Variants in KIZ observed in about 807,000 individuals in gnomAD.
KIZ encodes kizuna centrosomal protein.
In KIZ, 68 loss-of-function variants were observed where a neutral mutation model predicts 79.6. The observed-to-expected ratio is 0.85, with a 90% confidence interval of 0.70 to 1.05. The LOEUF (loss-of-function observed/expected upper bound fraction) is 1.05. KIZ is among the 50% of genes least tolerant of loss of function. KIZ has a pLI of 0.00. For missense variants in KIZ, 797 were observed against 800.4 expected (o/e 1.00, Z 0.05); for synonymous variants, 280 against 281.8 (o/e 0.99, Z 0.06).
chr20:21,131,898 T>A (rs1277107125), intron 1 of KIZ, 199 bp from the exon 2 acceptor site: 1 of 416,240 alleles, frequency 2.4e-6, no homozygotes, highest in East Asian at 4.1e-5. Context: ...TTTTGTGCCT[T>A]TTGTTTTAGA....
chr20:21,210,807 C>G (rs903396535), intron 7 of KIZ, among the ~76,000 whole-genome samples: 1 of 151,560 alleles, frequency 6.6e-6, no homozygotes, highest in Non-Finnish European at 1.5e-5. Context: ...AAAATGACAT[C>G]CAATTTTTTT....
chr20:21,164,170 C>G (rs1189503813), intron 6 of KIZ, among the ~76,000 whole-genome samples: 2 of 152,156 alleles, frequency 1.3e-5, no homozygotes, highest in Non-Finnish European at 2.9e-5. Context: ...CCAAGTGGGC[C>G]TTTTTGTACG....
chr20:21,126,040 G>A, upstream of KIZ: 1 of 1,407,898 alleles, frequency 7.1e-7, no homozygotes, highest in African/African-American at 1.5e-5. Context: ...GCGGTGCATG[G>A]TGGGGCGGTC....
intron 9 of KIZ, among the ~76,000 whole-genome samples, chr20:21,223,251 C>A (rs966523893): frequency 6.6e-6 from 1 of 152,268 alleles, no homozygotes; most frequent in East Asian, 1.9e-4. Context: ...AATGGCAAGA[C>A]GCAAAAGTGT....
intron 4 of KIZ, among the ~76,000 whole-genome samples, chr20:21,152,350 A>G (rs1423057946): frequency 1.3e-5 from 2 of 152,194 alleles, no homozygotes; most frequent in African/African-American, 2.4e-5. Context: ...CATTTTAGGA[A>G]GAAGGAGCCT....
chr20:21,201,084 C>T (rs1017572966), intron 6 of KIZ, among the ~76,000 whole-genome samples: 1 of 152,048 alleles, frequency 6.6e-6, no homozygotes, highest in Admixed American at 6.6e-5. Context: ...GAGGCTGAGG[C>T]AGGAGGACTG....
At chr20:21,169,630 G>A (rs1009711525) in intron 6 of KIZ, among the ~76,000 whole-genome samples, 3 of 152,266 alleles carry the variant, frequency 2.0e-5, no homozygotes, top group South Asian at 2.1e-4. Flanking sequence ...ACATGCAGAC[G>A]TATGTTTGTT....
At chr20:21,230,710 G>A (rs2036806556) in intron 10 of KIZ, among the ~76,000 whole-genome samples, 1 of 152,162 alleles carries the variant, frequency 6.6e-6, no homozygotes, top group Non-Finnish European at 1.5e-5. Flanking sequence ...TGGTGTTAGT[G>A]GTGATTTGAA....
chr20:21,240,389 G>T (rs1016540492), intron 11 of KIZ, among the ~76,000 whole-genome samples: 6 of 152,236 alleles, frequency 3.9e-5, no homozygotes, highest in African/African-American at 1.4e-4. Context: ...CTCCCAAAGT[G>T]CTGGGCTTAT....
chr20:21,171,447 T>TTTTG (rs1434021250), intron 6 of KIZ, among the ~76,000 whole-genome samples: 3 of 152,242 alleles, frequency 2.0e-5, no homozygotes, highest in African/African-American at 4.8e-5. Context: ...TTTAAATGTA[T>TTTTG]TTTGTTTGTT....
At chr20:21,155,327 T>C (rs1168315690) in intron 4 of KIZ, among the ~76,000 whole-genome samples, 1 of 152,128 alleles carries the variant, frequency 6.6e-6, no homozygotes, top group Non-Finnish European at 1.5e-5. Flanking sequence ...AATAGAATAT[T>C]ATTCAGCCAT....
rs1218520845 is a variant in KIZ, at chr20:21,162,649, A to G, written c.1042+142A>G. ...CATTCTAATGAACTCTTAAATATGTACATGGGAGTGAATTTGCTGATTTTT... is the reference window on the plus strand; with the variant it reads ...CATTCTAATGAACTCTTAAATATGTGCATGGGAGTGAATTTGCTGATTTTT... On this transcript the variant is annotated intron_variant, in intron 5 of 12. Transcript: ENST00000619189. 4 of 779,736 alleles carry G rather than the reference A, an allele frequency of 5.1e-6. No individual in the cohort carries two copies. In the African/African-American group the frequency reaches 5.3e-5, roughly 10 times the overall value. 48.3% of individuals were successfully genotyped at this position (779,736 alleles called of 1,614,324 possible). A position where few individuals can be genotyped will look rare whatever the true frequency, so the allele number is the denominator to read the frequency against.
At chr20:21,169,336 C>G (rs2034099892) in intron 6 of KIZ, among the ~76,000 whole-genome samples, 1 of 151,528 alleles carries the variant, frequency 6.6e-6, no homozygotes, top group Non-Finnish European at 1.5e-5. Context: ...AAATGTTCAT[C>G]ATCACTGGCC....
chr20:21,182,800 CAAAA>C (rs763359536), intron 6 of KIZ, among the ~76,000 whole-genome samples: 14 of 82,634 alleles, frequency 1.7e-4, no homozygotes, highest in Admixed American at 4.0e-4. Context: ...GTCCCCCCAC[CAAAA>C]AAAAAAAAAA....
intron 11 of KIZ, among the ~76,000 whole-genome samples, chr20:21,237,559 C>T (rs2123480975): frequency 6.6e-6 from 1 of 152,254 alleles, no homozygotes; most frequent in South Asian, 2.1e-4. Flanking sequence ...TGCTGAAGAA[C>T]AGTTAACAAC....
At chr20:21,144,877 A>G (rs2032764250) in intron 3 of KIZ, among the ~76,000 whole-genome samples, 1 of 152,142 alleles carries the variant, frequency 6.6e-6, no homozygotes, top group African/African-American at 2.4e-5. Context: ...TTTAATTACT[A>G]GCGTACTGAA....
chr20:21,184,445 C>T (rs111342211), intron 6 of KIZ, among the ~76,000 whole-genome samples: 2,233 of 152,240 alleles, frequency 0.015, 49 homozygotes, highest in African/African-American at 0.05. Flanking sequence ...CCACCACGCC[C>T]GGTCCCCTGA....
At chr20:21,235,001 C>T (rs2036958382) in intron 11 of KIZ, among the ~76,000 whole-genome samples, 1 of 152,096 alleles carries the variant, frequency 6.6e-6, no homozygotes, top group South Asian at 2.1e-4. Flanking sequence ...TTTTCAGCCG[C>T]CTTTGAGAGA....
At chr20:21,145,498 C>T (rs1403448112) in intron 3 of KIZ, 67 bp from the exon 4 acceptor site, 5 of 616,362 alleles carry the variant, frequency 8.1e-6, no homozygotes, top group South Asian at 6.0e-5. Context: ...TTGTAAAGAC[C>T]GCAGTATACA....
Sources: gnomAD v4.1 joint callset for allele counts (sites outside exome capture counted in the v4.1 genomes callset) on GRCh38, gnomAD v4.1.1 for gene constraint, MANE v1.5 for transcripts, NCBI Gene and HGNC (gene_info 2026-07-23, HGNC 2026-07-21) for gene names.